The following PHYHIP variants were observed in gnomAD, a reference collection of about 807,000 sequenced individuals.
The protein encoded by PHYHIP is phytanoyl-CoA 2-hydroxylase interacting protein.
PHYHIP carries 7 observed loss-of-function variants against 26.1 expected under a neutral mutation model. The ratio of observed to expected loss-of-function variants is 0.27; its 90% CI spans 0.15 to 0.50. The LOEUF is 0.50. Among genes scored for constraint, PHYHIP ranks in the 20% least tolerant of loss-of-function variants. The pLI, the probability that PHYHIP is intolerant of heterozygous loss-of-function variation, is 0.98. For missense variants in PHYHIP, 232 were observed against 454.7 expected (o/e 0.51, Z 4.45); for synonymous variants, 206 against 183.4 (o/e 1.12, Z -1.00).
Position 22,221,731 on chromosome 8 carries a change from G to A in PHYHIP, c.615C>T (p.Arg205=), listed in dbSNP as rs766505704. 1 of 1,613,176 alleles carries A rather than the reference G, an allele frequency of 6.2e-7. No homozygotes were observed. Among genetic ancestry groups the A allele is most frequent in the East Asian group, 2.2e-5 (1 of 44,866 alleles). The change falls in exon 5 of 5, where the codon CGC becomes CGT. Residue 205 remains arginine (R), a synonymous_variant. Transcript: ENST00000454243. This position sits in a 1 kb window ranked among gnomAD's most constrained non-coding sequence, Gnocchi z 7.9. ...PPQDSPYGRW[R]FQIPAQRLFN... ...AGAGGCGCTGAGCTGGGATCTGGAAGCGCCAGCGGCCGTAGGGGGAGTCCT... is the reference window on the plus strand; with the variant it reads ...AGAGGCGCTGAGCTGGGATCTGGAAACGCCAGCGGCCGTAGGGGGAGTCCT...
Position 22,228,177 on chromosome 8 carries a change from G to C in PHYHIP, c.165+16C>G. On this transcript the variant is annotated intron_variant, in intron 2 of 4. Transcript: ENST00000454243. ...ACAGAAGCTGGGGAGGGGCTCCCAG[G>C]ACACCTTCTACTCACCCGGTGCTTG... 1.2e-6 allele frequency: 2 copies of C among 1,611,372 alleles called. No homozygotes were observed. The highest frequency in any genetic ancestry group is 1.7e-6 in the Non-Finnish European group (2 of 1,177,698).
rs1034256258 is a variant in PHYHIP, at chr8:22,219,901, C to T, written c.*1452G>A. The T allele has an allele frequency of 6.5e-6, 1 of 152,736 alleles. No homozygotes were observed. The highest frequency in any genetic ancestry group is 2.4e-5 in the African/African-American group (1 of 41,478). 9.5% of individuals were successfully genotyped at this position (152,736 alleles called of 1,614,324 possible). A position where few individuals can be genotyped will look rare whatever the true frequency, so the allele number is the denominator to read the frequency against. ...TTCTCTCCTTCTCCACACCTCTCCC[C>T]AAGCCTCCAGGCCTCCTGACTCATC... is the stretch of plus-strand genomic sequence containing the variant. On this transcript the variant is annotated 3_prime_UTR_variant, in exon 5 of 5. Transcript: ENST00000454243.
intron 1 of PHYHIP, 64 bp downstream of exon 1, chr8:22,231,732 G>C (rs1233765454): frequency 6.6e-6 from 1 of 152,410 alleles, no homozygotes; most frequent in Non-Finnish European, 1.5e-5. Flanking sequence ...CAGGACCCTA[G>C]AGCCCCCAGA....
intron 3 of PHYHIP, among the ~76,000 whole-genome samples, chr8:22,226,249 T>A (rs1586491291): frequency 6.6e-6 from 1 of 152,134 alleles, no homozygotes; most frequent in Admixed American, 6.5e-5. Context: ...TGAAATACTA[T>A]CCAGTTTCAA....
chr8:22,220,618 A>C lies in PHYHIP; in HGVS notation c.*735T>G, dbSNP rs1829598312. 2 of 152,268 alleles carry C rather than the reference A, an allele frequency of 1.3e-5. No homozygotes were observed. Among genetic ancestry groups the C allele is most frequent in the African/African-American group, 2.4e-5 (1 of 41,428 alleles). The allele number at this position is 152,268 out of a possible 1,614,324, so 9.4% of individuals were successfully genotyped here. ...TCAGACCCCTGCACTCTAAGCAAGGAGAAGGTATGCTGGGGTATGGAAGGA... is the reference window on the plus strand; with the variant it reads ...TCAGACCCCTGCACTCTAAGCAAGGCGAAGGTATGCTGGGGTATGGAAGGA... On this transcript the variant is annotated 3_prime_UTR_variant, in exon 5 of 5. Coordinates refer to ENST00000454243, the MANE Select transcript of PHYHIP (RefSeq NM_014759.5).
Position 22,221,295 on chromosome 8 carries a change from G to A in PHYHIP, c.*58C>T. 2 of 1,477,996 alleles carry A rather than the reference G, an allele frequency of 1.4e-6. No individual in the cohort carries two copies. The highest frequency in any genetic ancestry group is 2.2e-5 in the Admixed American group (1 of 44,636). 91.6% of individuals were successfully genotyped at this position (1,477,996 alleles called of 1,614,324 possible). ...GAGAAAGCCAGCTCCCTGAACCTGGGCTACCCACCTCCACCTTCCGCTCAT... is the reference window on the plus strand; with the variant it reads ...GAGAAAGCCAGCTCCCTGAACCTGGACTACCCACCTCCACCTTCCGCTCAT... On this transcript the variant is annotated 3_prime_UTR_variant, in exon 5 of 5. Coordinates refer to ENST00000454243, the MANE Select transcript of PHYHIP (RefSeq NM_014759.5). The surrounding 1 kb of genome is among the most constrained non-coding windows in gnomAD (Gnocchi z 7.9).
chr8:22,227,795 G>A, intron 2 of PHYHIP: 1 of 451,972 alleles, frequency 2.2e-6, no homozygotes, highest in South Asian at 1.6e-5. Flanking sequence ...CAGCGAGGCT[G>A]TGCCCTGAGC....
rs1586485686 is a variant in PHYHIP at position 22,221,331 on chromosome 8, C to T, written c.*22G>A. 6.5e-6 allele frequency: 10 copies of T among 1,533,168 alleles called. No homozygotes were observed. The Middle Eastern group carries it at 5.8e-4, about 89-fold the overall frequency. 95.0% of individuals were successfully genotyped at this position (1,533,168 alleles called of 1,614,324 possible). On this transcript the variant is annotated 3_prime_UTR_variant, in exon 5 of 5. Coordinates refer to ENST00000454243, the MANE Select transcript of PHYHIP (RefSeq NM_014759.5). The surrounding 1 kb of genome is among the most constrained non-coding windows in gnomAD (Gnocchi z 7.9). ...CCACCTTCCGCTCATCTCTCCCTCG[C>T]CCCCCAGCTCCCCAGGAGTCCCTAG...
chr8:22,228,727 A>C (rs1829805987), intron 1 of PHYHIP: 1 of 171,208 alleles, frequency 5.8e-6, no homozygotes, highest in Non-Finnish European at 1.2e-5. Flanking sequence ...AGCAGGCGTG[A>C]AAAGAGAAAG....
chr8:22,224,298 T>G lies in PHYHIP; in HGVS notation c.386A>C (p.Gln129Pro). Reference protein sequence around the residue: ...HLAQLQEKAEQIAGRMLRFSV... With the variant: ...HLAQLQEKAEPIAGRMLRFSV... Reference sequence around the variant, plus strand: ...GAAGCGGAGCATGCGGCCTGCGATCTGCTCAGCTTTCTCCTGAAGCTGAGC... The same window carrying G: ...GAAGCGGAGCATGCGGCCTGCGATCGGCTCAGCTTTCTCCTGAAGCTGAGC... The change falls in exon 4 of 5, where the codon CAG (glutamine) becomes CCG (proline). Residue 129 changes from glutamine (Q) to proline (P), a missense_variant. Gln to Pro is a moderately conservative substitution (Grantham distance 76). Transcript: ENST00000454243. The G allele has an allele frequency of 1.2e-6, 2 of 1,612,488 alleles. No individual in the cohort carries two copies. The highest frequency in any genetic ancestry group is 1.7e-6 in the Non-Finnish European group (2 of 1,178,964).
chr8:22,227,602 T>C, intron 2 of PHYHIP: 1 of 453,516 alleles, frequency 2.2e-6, no homozygotes, highest in Non-Finnish European at 4.4e-6. Context: ...GGGGTCTTCC[T>C]CCCACCCACC....
intron 1 of PHYHIP, among the ~76,000 whole-genome samples, chr8:22,231,293 A>T (rs913555630): frequency 3.3e-5 from 5 of 152,012 alleles, no homozygotes; most frequent in Non-Finnish European, 7.4e-5. Context: ...GTCCCCACCC[A>T]CGCACACCCA....
In PHYHIP at chr8:22,227,007, C is replaced by T; in HGVS notation, c.184G>A (p.Val62Met). 1 of 1,612,318 alleles carries T rather than the reference C, an allele frequency of 6.2e-7. No homozygotes were observed. Among genetic ancestry groups the T allele is most frequent in the South Asian group, 1.1e-5 (1 of 90,944 alleles). Residue 62 changes from valine (V) to methionine (M), a missense_variant, in exon 3 of 5, where the codon GTG (valine) becomes ATG (methionine). By Grantham distance (21) the Val-to-Met change is conservative. Coordinates refer to ENST00000454243, the MANE Select transcript of PHYHIP (RefSeq NM_014759.5). ...FKHRDVPTKL[V>M]AKAVPLPMTV... ...ATGGGCAGCGGCACTGCCTTGGCCA[C>T]GAGCTTGGTGGGGACGTCCTGAGAA... is the stretch of plus-strand genomic sequence containing the variant.
chr8:22,227,652 G>A (rs1027563998), intron 2 of PHYHIP: 11 of 451,960 alleles, frequency 2.4e-5, no homozygotes, highest in South Asian at 1.1e-4. Context: ...ACACACCCAC[G>A]GAGGACTCTC....
chr8:22,231,681 T>G, intron 1 of PHYHIP, 115 bp downstream of exon 1: 1 of 151,508 alleles, frequency 6.6e-6, no homozygotes, highest in African/African-American at 2.4e-5. Context: ...GGGGACAAGG[T>G]CGTCAGGCCT....
intron 2 of PHYHIP, among the ~76,000 whole-genome samples, chr8:22,227,294 C>G (rs920242352): frequency 6.6e-6 from 1 of 152,208 alleles, no homozygotes; most frequent in Non-Finnish European, 1.5e-5. Context: ...GACGGCAAGG[C>G]CTTCATTTTT....
chr8:22,231,007 A>T (rs1207478843), intron 1 of PHYHIP, among the ~76,000 whole-genome samples: 1 of 152,188 alleles, frequency 6.6e-6, no homozygotes, highest in South Asian at 2.1e-4. Context: ...CCCCGCCCGA[A>T]GTCTGGTATT....
chr8:22,226,741 G>A, intron 3 of PHYHIP, 110 bp downstream of exon 3: 1 of 1,031,546 alleles, frequency 9.7e-7, no homozygotes, highest in Middle Eastern at 2.4e-4. Context: ...CTGCCTGGTG[G>A]ACAGAAGGTG....
In PHYHIP at chr8:22,221,709, G is replaced by A. The variant is rs1201514944; in HGVS notation, c.637C>T (p.Leu213Phe). 1 of 1,613,202 alleles carries A rather than the reference G, an allele frequency of 6.2e-7. No individual in the cohort carries two copies. The highest frequency in any genetic ancestry group is 8.5e-7 in the Non-Finnish European group (1 of 1,179,760). Residue 213 changes from leucine to phenylalanine, a missense_variant, in exon 5 of 5, where the codon CTC becomes TTC. Coordinates refer to ENST00000454243, the MANE Select transcript of PHYHIP (RefSeq NM_014759.5). The surrounding 1 kb of genome is among the most constrained non-coding windows in gnomAD (Gnocchi z 7.9). ...TAGAGGTTGGTGCTGGGATTGAAGA[G>A]GCGCTGAGCTGGGATCTGGAAGCGC... ...RWRFQIPAQR[L>F]FNPSTNLYFA...
Sources: allele counts gnomAD v4.1 joint callset (sites outside exome capture counted in the v4.1 genomes callset), GRCh38; gene constraint gnomAD v4.1.1; non-coding constraint Gnocchi (gnomAD v3.1); transcripts MANE v1.5; gene names NCBI Gene and HGNC (gene_info 2026-07-23, HGNC 2026-07-21).